MYRIP: variants seen among roughly 807,000 people sequenced by gnomAD.
The protein encoded by MYRIP is rab effector MyRIP.
MYRIP carries 49 observed loss-of-function variants against 98.0 expected under a neutral mutation model. The observed-to-expected ratio is 0.50, with a 90% CI of 0.40 to 0.63. MYRIP has a LOEUF of 0.63. Ranked by LOEUF, MYRIP falls within the 30% of genes least tolerant of loss-of-function variation. The pLI, the probability that MYRIP is intolerant of heterozygous loss-of-function variation, is 0.00. For synonymous variants in MYRIP, 404 were observed against 409.5 expected (o/e 0.99, Z 0.16); for missense variants, 1,004 against 1,058.2 (o/e 0.95, Z 0.71).
chr3:39,845,287 A>AGAT (rs1233188500), intron 1 of MYRIP, among the ~76,000 whole-genome samples: 1 of 152,168 alleles, frequency 6.6e-6, no homozygotes, highest in Non-Finnish European at 1.5e-5. Context: ...CTTTGGGCAC[A>AGAT]GATGTATGCC....
chr3:40,224,103 C>T (rs1258117046), intron 11 of MYRIP, among the ~76,000 whole-genome samples: 14 of 151,904 alleles, frequency 9.2e-5, no homozygotes, highest in Admixed American at 7.9e-4. Context: ...GGAAAAGCGG[C>T]GAGAGAGGTG....
intron 3 of MYRIP, among the ~76,000 whole-genome samples, chr3:40,079,779 T>C (rs1948434574): frequency 6.6e-6 from 1 of 152,252 alleles, no homozygotes; most frequent in East Asian, 1.9e-4. Flanking sequence ...GCTGGAAGTA[T>C]AGCATTGTTC....
chr3:39,958,065 G>C (rs1472794260), intron 2 of MYRIP, among the ~76,000 whole-genome samples: 1 of 152,156 alleles, frequency 6.6e-6, no homozygotes, highest in Admixed American at 6.5e-5. Flanking sequence ...CCATGCTCAT[G>C]GATAAGAAGA....
intron 1 of MYRIP, among the ~76,000 whole-genome samples, chr3:39,835,252 G>A (rs978195403): frequency 6.6e-6 from 1 of 152,066 alleles, no homozygotes; most frequent in African/African-American, 2.4e-5. Context: ...CAAGAATTCT[G>A]CCAAATAGTG....
intron 2 of MYRIP, among the ~76,000 whole-genome samples, chr3:40,016,853 C>G (rs538813174): frequency 2.5e-4 from 38 of 152,334 alleles, no homozygotes; most frequent in African/African-American, 8.9e-4. Context: ...TATATCATGG[C>G]TCAGTCAGGT....
At chr3:39,839,109 T>A (rs2125592293) in intron 1 of MYRIP, among the ~76,000 whole-genome samples, 1 of 152,228 alleles carries the variant, frequency 6.6e-6, no homozygotes, top group Middle Eastern at 3.4e-3. Context: ...TGGCTAGTGG[T>A]CTATTTTGTT....
At chr3:39,963,979 C>G (rs1945382810) in intron 2 of MYRIP, among the ~76,000 whole-genome samples, 2 of 152,056 alleles carry the variant, frequency 1.3e-5, no homozygotes, top group Admixed American at 1.3e-4. Flanking sequence ...AAATAGTTCA[C>G]TGTCTTCTAT....
chr3:39,857,699 T>C (rs1942346602), intron 1 of MYRIP, among the ~76,000 whole-genome samples: 1 of 152,208 alleles, frequency 6.6e-6, no homozygotes, highest in Non-Finnish European at 1.5e-5. Flanking sequence ...AATTTGTTCC[T>C]GGATACAGAA....
intron 11 of MYRIP, among the ~76,000 whole-genome samples, chr3:40,231,507 A>G (rs1465182620): frequency 6.6e-6 from 1 of 152,214 alleles, no homozygotes; most frequent in Admixed American, 6.5e-5. Flanking sequence ...ACCATGGGTA[A>G]TATTTGCCTT....
At chr3:40,211,412 C>T (rs73069751) in intron 11 of MYRIP, among the ~76,000 whole-genome samples, 13,182 of 152,184 alleles carry the variant, frequency 0.087, 890 homozygotes, top group African/African-American at 0.2. Flanking sequence ...CCTGAACCCT[C>T]CAACACCTCA....
At chr3:39,822,322 TC>T (rs1294321760) in intron 1 of MYRIP, among the ~76,000 whole-genome samples, 2 of 152,234 alleles carry the variant, frequency 1.3e-5, no homozygotes, top group East Asian at 3.8e-4. Flanking sequence ...ACATTCAATG[TC>T]ATACTTCTAG....
At chr3:40,081,438 T>C (rs1421124422) in intron 3 of MYRIP, among the ~76,000 whole-genome samples, 1 of 152,222 alleles carries the variant, frequency 6.6e-6, no homozygotes, top group African/African-American at 2.4e-5. Context: ...AGTTCAGAAT[T>C]GCTATATATT....
At chr3:40,073,475 G>C (rs771858161) in intron 3 of MYRIP, among the ~76,000 whole-genome samples, 3 of 152,192 alleles carry the variant, frequency 2.0e-5, no homozygotes, top group Admixed American at 6.5e-5. Context: ...CCTAGTTCCT[G>C]CCGAAGTTTG....
chr3:40,015,226 C>T lies in MYRIP; in HGVS notation c.111-28824C>T, dbSNP rs552124526. On this transcript the variant is annotated intron_variant, in intron 2 of 16. Coordinates refer to ENST00000302541, the MANE Select transcript of MYRIP (RefSeq NM_015460.4). ...GAGTTCTAATTGGCTTATGTGATTA[C>T]ATCTGGAAGTAATTAGGTTGGGTCT... 1.1e-4 allele frequency among the ~76,000 whole-genome samples: 17 copies of T among 152,272 alleles called. No individual in the cohort carries two copies. In the South Asian group the frequency reaches 1.5e-3, roughly 13 times the overall value.
At chr3:40,025,970 A>G (rs61045663) in intron 2 of MYRIP, among the ~76,000 whole-genome samples, 2,636 of 152,188 alleles carry the variant, frequency 0.017, 69 homozygotes, top group African/African-American at 0.059. Flanking sequence ...AACACCCTAA[A>G]CAACAGAAAA....
At chr3:40,256,073 T>C (rs1202357020) in intron 16 of MYRIP, among the ~76,000 whole-genome samples, 1 of 152,204 alleles carries the variant, frequency 6.6e-6, no homozygotes, top group Non-Finnish European at 1.5e-5. Flanking sequence ...GTGTGGCTAC[T>C]GAGCACTTGA....
intron 1 of MYRIP, among the ~76,000 whole-genome samples, chr3:39,890,195 G>T (rs924891557): frequency 1.3e-5 from 2 of 149,616 alleles, no homozygotes; most frequent in East Asian, 2.0e-4. Context: ...TTTTCCTTTG[G>T]CTCCTTTCCT....
intron 2 of MYRIP, among the ~76,000 whole-genome samples, chr3:39,982,721 G>C (rs1945925503): frequency 6.6e-6 from 1 of 151,936 alleles, no homozygotes; most frequent in South Asian, 2.1e-4. Context: ...TCTCTCTCTG[G>C]TCAATTTGTT....
chr3:40,011,647 C>T (rs1287766224), intron 2 of MYRIP, among the ~76,000 whole-genome samples: 1 of 152,202 alleles, frequency 6.6e-6, no homozygotes, highest in Non-Finnish European at 1.5e-5. Flanking sequence ...AAGGCAAACA[C>T]AGTTTCTGTC....
Sources: gnomAD v4.1 joint callset for allele counts (sites outside exome capture counted in the v4.1 genomes callset) on GRCh38, gnomAD v4.1.1 for gene constraint, MANE v1.5 for transcripts, NCBI Gene and HGNC (gene_info 2026-07-23, HGNC 2026-07-21) for gene names.